CDC27: variants seen among roughly 807,000 people sequenced by gnomAD.
The protein encoded by CDC27 is cell division cycle 27, also known as cell division cycle protein 27 homolog.
A neutral mutation model predicts 109.7 loss-of-function variants in CDC27; 27 were observed. The ratio of observed to expected loss-of-function variants is 0.25; its 90% confidence interval spans 0.18 to 0.34. CDC27 has a LOEUF of 0.34. CDC27 is among the 10% of genes least tolerant of loss of function. The probability of loss-of-function intolerance (pLI) is 1.00; values close to 1 mark genes in which losing one functional copy is unlikely to be tolerated. For synonymous variants in CDC27, 266 were observed against 333.9 expected (o/e 0.80, Z 2.22); for missense variants, 579 against 960.2 (o/e 0.60, Z 5.25).
chr17:47,149,209 A>C (rs2148891254), intron 9 of CDC27, among the ~76,000 whole-genome samples: 1 of 152,008 alleles, frequency 6.6e-6, no homozygotes, highest in Non-Finnish European at 1.5e-5. Context: ...GCTGACTCGT[A>C]CTATAAGAAA....
chr17:47,148,068 C>G (rs1852375821), intron 9 of CDC27, among the ~76,000 whole-genome samples: 1 of 150,156 alleles, frequency 6.7e-6, no homozygotes, highest in African/African-American at 2.5e-5. Flanking sequence ...CGCAGTGGCA[C>G]ATGCCTGTAA....
At chr17:47,128,373 A>T (rs2062214229) in intron 16 of CDC27, among the ~76,000 whole-genome samples, 3 of 152,154 alleles carry the variant, frequency 2.0e-5, no homozygotes, top group Non-Finnish European at 4.4e-5. Flanking sequence ...TTTCTGATTG[A>T]ATAAATGATA....
At chr17:47,157,492 T>C in intron 5 of CDC27, 108 bp from the exon 6 acceptor site, 2 of 739,460 alleles carry the variant, frequency 2.7e-6, no homozygotes, top group Non-Finnish European at 4.3e-6. Flanking sequence ...ATCCAAACTT[T>C]AAAAATCTCC....
chr17:47,128,771 A>AT (rs767267065), intron 16 of CDC27, among the ~76,000 whole-genome samples: 2,498 of 139,762 alleles, frequency 0.018, 58 homozygotes, highest in African/African-American at 0.051. Flanking sequence ...TTAATTTTTA[A>AT]TTTTTTTTTT....
chr17:47,151,965 G>A, intron 8 of CDC27, 47 bp from the exon 9 acceptor site: 2 of 1,526,266 alleles, frequency 1.3e-6, no homozygotes, highest in Non-Finnish European at 1.8e-6. Context: ...GGGCTGCACT[G>A]TAAATGATAA....
At chr17:47,188,239 T>A (rs890429862) in intron 1 of CDC27, among the ~76,000 whole-genome samples, 9 of 152,076 alleles carry the variant, frequency 5.9e-5, no homozygotes, top group African/African-American at 2.2e-4. Context: ...GATCATATAG[T>A]GGGATGAAGT....
Position 47,118,503 on chromosome 17 carries a change from G to A in CDC27, c.*2432C>T, listed in dbSNP as rs990420214. 2 of 152,538 alleles carry A rather than the reference G, an allele frequency of 1.3e-5. No individual in the cohort carries two copies. The highest frequency in any genetic ancestry group is 2.4e-5 in the African/African-American group (1 of 41,412). The allele number at this position is 152,538 out of a possible 1,614,324, so 9.4% of individuals were successfully genotyped here. A position where few individuals can be genotyped will look rare whatever the true frequency, so the allele number is the denominator to read the frequency against. On this transcript the variant is annotated 3_prime_UTR_variant, in exon 19 of 19. Transcript: ENST00000066544. ...GTGCGCGTATATATATATGTATATA[G>A]ATGTATTAAGTTGGTGCAAAAGTAA...
intron 2 of CDC27, among the ~76,000 whole-genome samples, chr17:47,181,101 A>C (rs1014981214): frequency 1.3e-5 from 2 of 150,294 alleles, no homozygotes; most frequent in Non-Finnish European, 3.0e-5. Context: ...AAAAAAAAAA[A>C]AAAATTAGCC....
chr17:47,122,602 T>C lies in CDC27; in HGVS notation c.2236-2A>G. The C allele has an allele frequency of 6.4e-7, 1 of 1,572,994 alleles. No individual in the cohort carries two copies. Among genetic ancestry groups the C allele is most frequent in the Non-Finnish European group, 8.6e-7 (1 of 1,158,744 alleles). The stretch of plus-strand genomic sequence containing the variant: ...CGTTTGACCTAACTTCTTGTAAACC[T>C]AAAAATAAACAGCAGCACTACATTT... On this transcript the variant is annotated splice_acceptor_variant, in intron 17 of 18. Transcript: ENST00000066544. LOFTEE classifies it high-confidence loss of function.
intron 10 of CDC27, among the ~76,000 whole-genome samples, chr17:47,142,824 A>G (rs527550885): frequency 2.0e-5 from 3 of 152,292 alleles, no homozygotes; most frequent in African/African-American, 7.2e-5. Flanking sequence ...GATTACAGGC[A>G]TGAGCCACCA....
intron 7 of CDC27, among the ~76,000 whole-genome samples, chr17:47,156,231 C>T (rs879624614): frequency 3.3e-5 from 5 of 151,984 alleles, no homozygotes; most frequent in African/African-American, 9.7e-5. Flanking sequence ...CTCTGTCTCC[C>T]GGGTTCAAGT....
intron 4 of CDC27, among the ~76,000 whole-genome samples, chr17:47,164,618 A>T (rs892163622): frequency 1.3e-5 from 2 of 152,174 alleles, no homozygotes; most frequent in South Asian, 4.1e-4. Context: ...GGAATTTGAG[A>T]CCAGCCTGGC....
At chr17:47,134,711 T>C (rs529269307) in intron 14 of CDC27, among the ~76,000 whole-genome samples, 2 of 151,904 alleles carry the variant, frequency 1.3e-5, no homozygotes, top group African/African-American at 2.4e-5. Context: ...CTTGACCTCA[T>C]GATTCGCCCA....
chr17:47,147,898 C>CA (rs893703763), intron 9 of CDC27, among the ~76,000 whole-genome samples: 904 of 45,238 alleles, frequency 0.02, 13 homozygotes, highest in East Asian at 0.047. Context: ...GACCCTGTCT[C>CA]AAAAAAAAAA....
intron 9 of CDC27, among the ~76,000 whole-genome samples, chr17:47,150,713 A>G (rs1184362898): frequency 6.6e-6 from 1 of 152,228 alleles, no homozygotes; most frequent in African/African-American, 2.4e-5. Context: ...AATGGAATCA[A>G]CAATACAAAG....
At chr17:47,122,667 T>C (rs747913020) in intron 17 of CDC27, 67 bp from the exon 18 acceptor site, 5 of 1,089,280 alleles carry the variant, frequency 4.6e-6, no homozygotes, top group Non-Finnish European at 6.2e-6. Context: ...ATTCTAACTA[T>C]ATATATACTT....
chr17:47,159,396 G>A, intron 4 of CDC27: 2 of 983,610 alleles, frequency 2.0e-6, no homozygotes, highest in African/African-American at 1.7e-5. Flanking sequence ...GCAGCCCCTG[G>A]CTGAGGTGTA....
At chr17:47,132,441 G>C (rs543740908) in intron 14 of CDC27, 67 bp from the exon 15 acceptor site, 6 of 695,426 alleles carry the variant, frequency 8.6e-6, no homozygotes, top group Non-Finnish European at 1.4e-5. Context: ...AGTTCAATTA[G>C]TAAAAGAACA....
At chr17:47,146,955 C>T (rs974255832) in intron 9 of CDC27, among the ~76,000 whole-genome samples, 2 of 151,940 alleles carry the variant, frequency 1.3e-5, no homozygotes, top group Admixed American at 6.6e-5. Flanking sequence ...TCCAGCTACC[C>T]AGGAGCCTGA....
Sources: gnomAD v4.1 joint callset for allele counts (sites outside exome capture counted in the v4.1 genomes callset) on GRCh38, gnomAD v4.1.1 for gene constraint, MANE v1.5 for transcripts, NCBI Gene and HGNC (gene_info 2026-07-23, HGNC 2026-07-21) for gene names.